The following SLC25A46 variants were observed in gnomAD, a reference collection of about 807,000 sequenced individuals.
SLC25A46 encodes the protein solute carrier family 25 member 46.
In SLC25A46, 39 loss-of-function variants were observed where a neutral mutation model predicts 44.6. The ratio of observed to expected loss-of-function variants is 0.87; its 90% CI spans 0.68 to 1.14. The LOEUF (loss-of-function observed/expected upper bound fraction) is 1.14, where lower values mean the gene tolerates loss of function less well. Ranked by LOEUF, SLC25A46 falls within the 50% of genes most tolerant of loss-of-function variation. The pLI is 0.00. For missense variants in SLC25A46, 547 were observed against 522.7 expected (o/e 1.05, Z -0.45); for synonymous variants, 202 against 185.8 (o/e 1.09, Z -0.71).
chr5:110,752,860 G>T (rs566731151), intron 5 of SLC25A46, among the ~76,000 whole-genome samples: 1 of 142,714 alleles, frequency 7.0e-6, no homozygotes, highest in African/African-American at 3.1e-5. Flanking sequence ...TCTAACCCTA[G>T]ATATGAGCGT....
chr5:110,750,484 G>T (rs1005661369), intron 5 of SLC25A46, among the ~76,000 whole-genome samples: 4 of 152,130 alleles, frequency 2.6e-5, no homozygotes, highest in Non-Finnish European at 5.9e-5. Context: ...AGGACCCCCA[G>T]TGGATACCAA....
intron 1 of SLC25A46, 132 bp downstream of exon 1, chr5:110,739,534 G>A (rs1799567972): frequency 1.6e-6 from 2 of 1,274,482 alleles, no homozygotes; most frequent in Non-Finnish European, 2.1e-6. Context: ...CACACCCTTT[G>A]CCCTCCTTTG....
intron 3 of SLC25A46, among the ~76,000 whole-genome samples, chr5:110,744,348 A>G (rs1429369789): frequency 6.6e-6 from 1 of 152,202 alleles, no homozygotes; most frequent in Non-Finnish European, 1.5e-5. Context: ...TTGCAATGTG[A>G]AATCAGAAAT....
intron 4 of SLC25A46, among the ~76,000 whole-genome samples, chr5:110,746,969 C>T (rs1412575856): frequency 1.3e-5 from 2 of 152,066 alleles, no homozygotes; most frequent in Non-Finnish European, 2.9e-5. Flanking sequence ...TTCTAAAGCA[C>T]CTTCTAAGAA....
At chr5:110,756,950 C>G (rs555527365) in intron 7 of SLC25A46, 191 bp downstream of exon 7, 1 of 396,914 alleles carries the variant, frequency 2.5e-6, no homozygotes, top group East Asian at 3.8e-5. Flanking sequence ...AGTCACACTT[C>G]TAGTTTTAAT....
At chr5:110,741,789 T>G (rs989080059) in intron 1 of SLC25A46, 49 of 322,668 alleles carry the variant, frequency 1.5e-4, no homozygotes, top group African/African-American at 9.7e-4. Flanking sequence ...CACACTCTAA[T>G]GTGGCAACAA....
At chr5:110,758,638 C>T (rs985965482) in intron 7 of SLC25A46, among the ~76,000 whole-genome samples, 31 of 151,706 alleles carry the variant, frequency 2.0e-4, no homozygotes, top group African/African-American at 6.5e-4. Context: ...AAAAATTAGC[C>T]GGGTGTGGTA....
rs921056940 is a variant in SLC25A46, at chr5:110,761,684, A to G, written c.1159A>G (p.Lys387Glu). The change falls in exon 8 of 8, where the codon AAA becomes GAA. Residue 387 changes from lysine to glutamate, a missense_variant. Coordinates refer to ENST00000355943, the MANE Select transcript of SLC25A46 (RefSeq NM_138773.4). The surrounding 1 kb of genome is among the most constrained non-coding windows in gnomAD (Gnocchi z 5.3). Reference sequence around the variant, plus strand: ...GGAGGAAGGAGTGTTTGGTTTTTATAAAGGGTTTGGTGCTGTTATAATACA... The same window carrying G: ...GGAGGAAGGAGTGTTTGGTTTTTATGAAGGGTTTGGTGCTGTTATAATACA... ...RQEEGVFGFY[K>E]GFGAVIIQYT... The G allele has an allele frequency of 6.2e-7, 1 of 1,613,520 alleles. No individual in the cohort carries two copies. Among genetic ancestry groups the G allele is most frequent in the Non-Finnish European group, 8.5e-7 (1 of 1,179,692 alleles).
Position 110,739,042 on chromosome 5 carries a change from A to G in SLC25A46, c.-78A>G. On this transcript the variant is annotated 5_prime_UTR_variant, in exon 1 of 8. Coordinates refer to ENST00000355943, the MANE Select transcript of SLC25A46 (RefSeq NM_138773.4). Reference sequence around the variant, plus strand: ...CCTGACGCGGCGGCGGCCGACGGGAAGCTGTGTGTGCTTAGGTCGTGGTGG... The same window carrying G: ...CCTGACGCGGCGGCGGCCGACGGGAGGCTGTGTGTGCTTAGGTCGTGGTGG... 6.8e-7 allele frequency: 1 copy of G among 1,479,872 alleles called. No individual in the cohort carries two copies. The highest frequency in any genetic ancestry group is 8.9e-7 in the Non-Finnish European group (1 of 1,125,054). The allele number at this position is 1,479,872 out of a possible 1,614,324, so 91.7% of individuals were successfully genotyped here. A position where few individuals can be genotyped will look rare whatever the true frequency, so the allele number is the denominator to read the frequency against.
At chr5:110,758,765 G>C (rs561556612) in intron 7 of SLC25A46, among the ~76,000 whole-genome samples, 1 of 152,104 alleles carries the variant, frequency 6.6e-6, no homozygotes, top group East Asian at 1.9e-4. Context: ...CTCGGTGACA[G>C]AGTAAGACTC....
At chr5:110,751,106 C>A (rs76696130) in intron 5 of SLC25A46, among the ~76,000 whole-genome samples, 1 of 152,222 alleles carries the variant, frequency 6.6e-6, no homozygotes, top group African/African-American at 2.4e-5. Context: ...ATAAGGCCCA[C>A]TCATTAATTC....
chr5:110,761,164 C>A lies in SLC25A46; in HGVS notation c.679-40C>A. On this transcript the variant is annotated intron_variant, in intron 7 of 7. Transcript: ENST00000355943. The surrounding 1 kb of genome is among the most constrained non-coding windows in gnomAD (Gnocchi z 5.3). Reference sequence around the variant, plus strand: ...AGTCCTTTTTCTGTGGCAAAATAAGCAAATGTTAAGTTTTACTTATTTCAT... The same window carrying A: ...AGTCCTTTTTCTGTGGCAAAATAAGAAAATGTTAAGTTTTACTTATTTCAT... The A allele has an allele frequency of 6.8e-7, 1 of 1,479,514 alleles. No individual in the cohort carries two copies. The highest frequency in any genetic ancestry group is 1.8e-4 in the Middle Eastern group (1 of 5,544). The allele number at this position is 1,479,514 out of a possible 1,614,324, so 91.6% of individuals were successfully genotyped here. A position where few individuals can be genotyped will look rare whatever the true frequency, so the allele number is the denominator to read the frequency against.
In SLC25A46 at chr5:110,764,733, C is replaced by T. The variant is rs1444955130; in HGVS notation, c.*2951C>T. 1 of 151,658 alleles carries T rather than the reference C, an allele frequency of 6.6e-6. No homozygotes were observed. Among genetic ancestry groups the T allele is most frequent in the Admixed American group, 6.6e-5 (1 of 15,198 alleles). The allele number at this position is 151,658 out of a possible 1,614,324, so 9.4% of individuals were successfully genotyped here. A position where few individuals can be genotyped will look rare whatever the true frequency, so the allele number is the denominator to read the frequency against. On this transcript the variant is annotated 3_prime_UTR_variant, in exon 8 of 8. Transcript: ENST00000355943. ...GCTGAGGTTGTGGAGGATTTTTGTCCACTGATCTTTTGCAACAGAAAAGCA... is the reference window on the plus strand; with the variant it reads ...GCTGAGGTTGTGGAGGATTTTTGTCTACTGATCTTTTGCAACAGAAAAGCA...
chr5:110,750,581 T>C (rs74395068), intron 5 of SLC25A46, among the ~76,000 whole-genome samples: 2 of 152,176 alleles, frequency 1.3e-5, no homozygotes, highest in Non-Finnish European at 2.9e-5. Flanking sequence ...TTTAAATCAT[T>C]TCTTGATTCC....
chr5:110,746,591 A>C (rs970051720), intron 4 of SLC25A46, among the ~76,000 whole-genome samples: 1 of 152,236 alleles, frequency 6.6e-6, no homozygotes, highest in African/African-American at 2.4e-5. Context: ...CAAGAGGCTC[A>C]TATTTATTCA....
At chr5:110,753,633 G>A (rs1427779100) in intron 5 of SLC25A46, 1 of 152,074 alleles carries the variant, frequency 6.6e-6, no homozygotes, top group Non-Finnish European at 1.5e-5. Flanking sequence ...TTCTAGAGCT[G>A]TAACAGTAAA....
chr5:110,739,014 AC>A lies in SLC25A46; in HGVS notation c.-102del, dbSNP rs1289123500. The A allele has an allele frequency of 6.8e-7, 1 of 1,480,346 alleles. No individual in the cohort carries two copies. The highest frequency in any genetic ancestry group is 1.4e-5 in the African/African-American group (1 of 70,086). 91.7% of individuals were successfully genotyped at this position (1,480,346 alleles called of 1,614,324 possible). ...ACGTGACTTCCGGTTGTCAGAATTT[AC>A]CCCTGACGCGGCGGCGGCCGACGGG... On this transcript the variant is annotated 5_prime_UTR_variant, in exon 1 of 8. Transcript: ENST00000355943.
intron 4 of SLC25A46, among the ~76,000 whole-genome samples, chr5:110,747,211 A>C (rs1176937960): frequency 2.0e-5 from 3 of 152,194 alleles, no homozygotes; most frequent in Admixed American, 2.0e-4. Flanking sequence ...AAATGATTAA[A>C]TGTCCATCAC....
At chr5:110,742,118 C>A (rs745914090) in intron 2 of SLC25A46, 29 bp downstream of exon 2, 5 of 1,454,846 alleles carry the variant, frequency 3.4e-6, no homozygotes. Context: ...ACGTTTACAG[C>A]TTTTATTTAT....
Sources: allele counts gnomAD v4.1 joint callset (sites outside exome capture counted in the v4.1 genomes callset), GRCh38; gene constraint gnomAD v4.1.1; non-coding constraint Gnocchi (gnomAD v3.1); transcripts MANE v1.5; gene names NCBI Gene and HGNC (gene_info 2026-07-23, HGNC 2026-07-21).